Variants in ANKFN1 observed in about 807,000 individuals in gnomAD.
ANKFN1 encodes the protein ankyrin repeat and fibronectin type III domain containing 1.
In ANKFN1, 74 loss-of-function variants were observed where a neutral mutation model predicts 108.7. That is an observed-to-expected ratio of 0.68 (90% confidence interval 0.56 to 0.83). ANKFN1 has a LOEUF of 0.83. Ranked by LOEUF, ANKFN1 falls within the 40% of genes least tolerant of loss-of-function variation. The pLI, the probability that ANKFN1 is intolerant of heterozygous loss-of-function variation, is 0.00. For missense variants in ANKFN1, 1,505 were observed against 1,382.3 expected (o/e 1.09, Z -1.41); for synonymous variants, 547 against 516.2 (o/e 1.06, Z -0.81).
At chr17:56,188,575 G>GTATATATATATA (rs1315546547) in intron 1 of ANKFN1, among the ~76,000 whole-genome samples, 5 of 88,200 alleles carry the variant, frequency 5.7e-5, no homozygotes, top group African/African-American at 5.6e-5. Context: ...GTGTGTGTGT[G>GTATATATATATA]TGTGTGTATA....
chr17:56,097,264 A>G (rs1905552824), intron 4 of ANKFN1, among the ~76,000 whole-genome samples: 1 of 140,166 alleles, frequency 7.1e-6, no homozygotes, highest in Admixed American at 7.0e-5. Context: ...AATATAGGCA[A>G]TAACTTAAAA....
rs994546181 is a variant in ANKFN1, at chr17:56,408,217, G to A, written c.911-32110G>A. Reference sequence around the variant, plus strand: ...CCCAAAGTGCTGAGATTACAGGCTTGAGCCACCACACCCAGCCAATATTTA... The same window carrying A: ...CCCAAAGTGCTGAGATTACAGGCTTAAGCCACCACACCCAGCCAATATTTA... On this transcript the variant is annotated intron_variant, in intron 8 of 20. Transcript: ENST00000682825. 1.4e-4 allele frequency among the ~76,000 whole-genome samples: 22 copies of A among 152,178 alleles called. 1 individual carries two copies. The South Asian group carries it at 3.7e-3, about 26-fold the overall frequency.
Position 56,405,897 on chromosome 17 carries a change from C to T in ANKFN1, c.910+31183C>T, listed in dbSNP as rs141635710. Among the ~76,000 whole-genome samples, 22 of 152,060 alleles carry T rather than the reference C, an allele frequency of 1.4e-4. 1 individual carries two copies. The highest frequency in any genetic ancestry group is 2.1e-4 in the South Asian group (1 of 4,814). ...AAGATGTATAGGACGCTAAGAACAACGGATATCTATGGTGGGAGGGAAAAT... is the reference window on the plus strand; with the variant it reads ...AAGATGTATAGGACGCTAAGAACAATGGATATCTATGGTGGGAGGGAAAAT... On this transcript the variant is annotated intron_variant, in intron 8 of 20. Coordinates refer to ENST00000682825, the MANE Select transcript of ANKFN1 (RefSeq NM_001370326.1).
At chr17:56,386,580 GTTTT>G (rs57390170) in intron 8 of ANKFN1, among the ~76,000 whole-genome samples, 3,058 of 109,980 alleles carry the variant, frequency 0.028, 33 homozygotes, top group Middle Eastern at 0.042. Flanking sequence ...CATCTCATGA[GTTTT>G]TTTTTTTTTT....
At chr17:56,339,221 T>C (rs1373956852) in intron 4 of ANKFN1, among the ~76,000 whole-genome samples, 1 of 152,078 alleles carries the variant, frequency 6.6e-6, no homozygotes, top group Non-Finnish European at 1.5e-5. Flanking sequence ...GGAGAAAAAA[T>C]ACAAAAATAA....
At chr17:56,185,474 C>T (rs539187482) in intron 1 of ANKFN1, among the ~76,000 whole-genome samples, 76 of 152,234 alleles carry the variant, frequency 5.0e-4, no homozygotes, top group African/African-American at 1.8e-3. Context: ...TCCCTAAGAG[C>T]TTCTCTGTCG....
At chr17:56,050,467 C>T (rs1272308287) in intron 4 of ANKFN1, among the ~76,000 whole-genome samples, 4 of 130,028 alleles carry the variant, frequency 3.1e-5, no homozygotes, top group African/African-American at 1.2e-4. Flanking sequence ...AGTCCTTGCC[C>T]ATGCCTATGT....
intron 4 of ANKFN1, among the ~76,000 whole-genome samples, chr17:56,346,354 A>C (rs913661215): frequency 6.6e-6 from 1 of 151,990 alleles, no homozygotes; most frequent in African/African-American, 2.4e-5. Context: ...TTTGCTTAGG[A>C]TTGTCTTGGC....
Position 56,516,318 on chromosome 17 carries a change from A to C in ANKFN1, c.*5049A>C, listed in dbSNP as rs1180260950. On this transcript the variant is annotated 3_prime_UTR_variant, in exon 21 of 21. Coordinates refer to ENST00000682825, the MANE Select transcript of ANKFN1 (RefSeq NM_001370326.1). ...GGTGTCAGAGAGATGTTTCATAGAA[A>C]AAGTAATTTAAGTGACATTCTCATT... Among the ~76,000 whole-genome samples, 1 of 151,994 alleles carries C rather than the reference A, an allele frequency of 6.6e-6. No homozygotes were observed. The highest frequency in any genetic ancestry group is 6.6e-5 in the Admixed American group (1 of 15,250).
intron 1 of ANKFN1, among the ~76,000 whole-genome samples, chr17:56,205,184 C>T (rs560379822): frequency 1.1e-3 from 167 of 152,318 alleles, no homozygotes; most frequent in African/African-American, 3.8e-3. Context: ...TTGCAAATCA[C>T]TGTGATTTCA....
intron 3 of ANKFN1, among the ~76,000 whole-genome samples, chr17:56,276,763 G>A (rs1194197191): frequency 6.6e-6 from 1 of 152,112 alleles, no homozygotes; most frequent in Non-Finnish European, 1.5e-5. Flanking sequence ...CTGAAAGGGA[G>A]TTTATTCTTA....
At chr17:56,052,824 G>T (rs1904801588) in intron 4 of ANKFN1, among the ~76,000 whole-genome samples, 1 of 152,110 alleles carries the variant, frequency 6.6e-6, no homozygotes, top group Non-Finnish European at 1.5e-5. Flanking sequence ...AGTAGATGGG[G>T]TCTCACGTAT....
chr17:56,091,412 A>G (rs1905414693), intron 4 of ANKFN1, among the ~76,000 whole-genome samples: 1 of 122,646 alleles, frequency 8.2e-6, no homozygotes, highest in South Asian at 2.7e-4. Flanking sequence ...TTTTCTTCCA[A>G]ACAAATCACA....
chr17:56,230,722 C>A (rs1916672260), intron 3 of ANKFN1, among the ~76,000 whole-genome samples: 1 of 151,972 alleles, frequency 6.6e-6, no homozygotes, highest in African/African-American at 2.4e-5. Context: ...GCCAAAGAAA[C>A]CTGAATTATC....
chr17:56,291,188 G>C (rs1379218683), intron 3 of ANKFN1, among the ~76,000 whole-genome samples: 1 of 152,112 alleles, frequency 6.6e-6, no homozygotes, highest in Non-Finnish European at 1.5e-5. Context: ...AATGTCACTG[G>C]ATCATTTCAA....
intron 4 of ANKFN1, among the ~76,000 whole-genome samples, chr17:56,061,331 G>T (rs1169849390): frequency 7.8e-6 from 1 of 128,178 alleles, no homozygotes; most frequent in Non-Finnish European, 1.6e-5. Flanking sequence ...GAGTGCAGTG[G>T]CATGATATTG....
intron 8 of ANKFN1, among the ~76,000 whole-genome samples, chr17:56,406,284 A>G (rs192803566): frequency 5.6e-4 from 85 of 152,264 alleles, no homozygotes; most frequent in African/African-American, 1.9e-3. Context: ...AAATTTCCAC[A>G]GTGTTTTTTC....
At chr17:56,052,123 G>T (rs913264976) in intron 4 of ANKFN1, among the ~76,000 whole-genome samples, 1 of 151,946 alleles carries the variant, frequency 6.6e-6, no homozygotes, top group Non-Finnish European at 1.5e-5. Flanking sequence ...TCAATCCTAA[G>T]CCAGAAGAAC....
At chr17:56,493,593 A>C (rs1008893214) in intron 19 of ANKFN1, among the ~76,000 whole-genome samples, 1 of 152,178 alleles carries the variant, frequency 6.6e-6, no homozygotes, top group Non-Finnish European at 1.5e-5. Flanking sequence ...GCCATAGTTA[A>C]GAAATCTGTA....
Sources: allele counts gnomAD v4.1 joint callset (sites outside exome capture counted in the v4.1 genomes callset), GRCh38; gene constraint gnomAD v4.1.1; transcripts MANE v1.5; gene names NCBI Gene and HGNC (gene_info 2026-07-23, HGNC 2026-07-21).